The following ANXA8 variants were observed in gnomAD, a reference collection of about 807,000 sequenced individuals.
The protein encoded by ANXA8 is annexin A8, also known as VAC-beta.
A neutral mutation model predicts 26.8 loss-of-function variants in ANXA8; 9 were observed. That is an observed-to-expected ratio of 0.34 (90% CI 0.20 to 0.59). The LOEUF is 0.59. ANXA8 is among the 20% of genes least tolerant of loss of function. ANXA8 has a pLI of 0.84. For missense variants in ANXA8, 83 were observed against 238.5 expected (o/e 0.35, Z 4.29); for synonymous variants, 39 against 94.8 (o/e 0.41, Z 3.42).
the ANXA8 span, chr10:47,751,259 T>G: frequency 7.1e-6 from 1 of 140,770 alleles, no homozygotes; most frequent in African/African-American, 2.6e-5. Flanking sequence ...CTTGCCAAAC[T>G]TATTAGCTCT....
In ANXA8 at chr10:47,474,053, T is replaced by G; in HGVS notation, c.659A>C (p.Tyr220Ser). ...ATHLLRVFEEYEKIANKSIED... is the reference protein window; with the variant it reads ...ATHLLRVFEESEKIANKSIED... ...AATGCTCTTGTTGGCAATTTTCTCA[T>G]ACTCTTCAAACACTGTGGAGAGGGC... Residue 220 changes from tyrosine to serine, a missense_variant, in exon 9 of 12, where the codon TAT becomes TCT. Coordinates refer to ENST00000585281, the MANE Select transcript of ANXA8 (RefSeq NM_001040084.3). 1 of 542,976 alleles carries G rather than the reference T, an allele frequency of 1.8e-6. No individual in the cohort carries two copies. The allele number at this position is 542,976 out of a possible 1,614,324, so 33.6% of individuals were successfully genotyped here.
chr10:47,898,811 A>ATTTTTTTTTTT, the ANXA8 span, among the ~76,000 whole-genome samples: 29 of 56,256 alleles, frequency 5.2e-4, no homozygotes, highest in South Asian at 9.9e-4. Flanking sequence ...AAGAGAATGG[A>ATTTTTTTTTTT]TTTTTTTTTT....
chr10:47,698,711 G>A, the ANXA8 span, among the ~76,000 whole-genome samples: 1 of 152,212 alleles, frequency 6.6e-6, no homozygotes. Context: ...GTGTAGTGGT[G>A]CACACCTGTA....
At chr10:47,553,130 C>T in the ANXA8 span, among the ~76,000 whole-genome samples, 8 of 152,126 alleles carry the variant, frequency 5.3e-5, no homozygotes, top group South Asian at 1.7e-3. Context: ...CTATATTTTA[C>T]TGCCGAACTT....
the ANXA8 span, among the ~76,000 whole-genome samples, chr10:47,725,644 TC>T: frequency 8.5e-6 from 1 of 118,320 alleles, no homozygotes; most frequent in Non-Finnish European, 1.8e-5. Context: ...TTTTCTTTCT[TC>T]TTCTTTTTGT....
At chr10:47,709,634 G>C in the ANXA8 span, among the ~76,000 whole-genome samples, 43 of 134,454 alleles carry the variant, frequency 3.2e-4, 2 homozygotes, top group Middle Eastern at 0.017. Context: ...TGAGCTCAGG[G>C]AAAAAAGCAG....
the ANXA8 span, among the ~76,000 whole-genome samples, chr10:47,566,994 G>A: frequency 6.7e-6 from 1 of 148,704 alleles, no homozygotes; most frequent in Non-Finnish European, 1.5e-5. Flanking sequence ...TATGAGGAGG[G>A]GGTGGGCTTA....
the ANXA8 span, among the ~76,000 whole-genome samples, chr10:47,495,025 A>G: frequency 6.7e-6 from 1 of 150,248 alleles, no homozygotes; most frequent in South Asian, 2.1e-4. Context: ...GCCACTGCCA[A>G]ACCAACAAGG....
chr10:47,527,904 A>G, the ANXA8 span, among the ~76,000 whole-genome samples: 55 of 149,492 alleles, frequency 3.7e-4, no homozygotes, highest in Non-Finnish European at 7.0e-4. Context: ...AAGAGAAGGA[A>G]GAACTAATGC....
At chr10:47,700,629 C>A in the ANXA8 span, among the ~76,000 whole-genome samples, 1 of 151,384 alleles carries the variant, frequency 6.6e-6, no homozygotes, top group Non-Finnish European at 1.5e-5. Flanking sequence ...AATCCAGGGG[C>A]AGTAGAAGAT....
At chr10:47,617,927 G>A in the ANXA8 span, among the ~76,000 whole-genome samples, 1 of 129,148 alleles carries the variant, frequency 7.7e-6, no homozygotes, top group Non-Finnish European at 1.7e-5. Context: ...CATAAAACCT[G>A]ATCTATTTTT....
chr10:47,668,908 A>G, the ANXA8 span, among the ~76,000 whole-genome samples: 1 of 151,118 alleles, frequency 6.6e-6, no homozygotes. Context: ...TCAGCTTCTG[A>G]TTACTTTTCC....
At chr10:47,945,104 A>G in the ANXA8 span, among the ~76,000 whole-genome samples, 2 of 150,444 alleles carry the variant, frequency 1.3e-5, no homozygotes, top group African/African-American at 4.9e-5. Context: ...GACCCCCAAG[A>G]CTGGCTCAGG....
Position 47,482,182 on chromosome 10 carries a change from G to A in ANXA8, c.21+1731C>T, listed in dbSNP as rs1839846326. Among the ~76,000 whole-genome samples, 3 of 134,252 alleles carry A rather than the reference G, an allele frequency of 2.2e-5. 1 individual carries two copies. In the South Asian group the frequency reaches 7.1e-4, roughly 32 times the overall value. The allele number at this position is 134,252 out of a possible 152,430, so 88.1% of individuals were successfully genotyped here. A position where few individuals can be genotyped will look rare whatever the true frequency, so the allele number is the denominator to read the frequency against. ...CTGGGTCTTCGCTAGCAGCTCAGCT[G>A]TTGCAGGTGGGGTCTACCTGTGAAC... On this transcript the variant is annotated intron_variant, in intron 1 of 11. Coordinates refer to ENST00000585281, the MANE Select transcript of ANXA8 (RefSeq NM_001040084.3).
chr10:47,711,706 G>T, the ANXA8 span, among the ~76,000 whole-genome samples: 1 of 127,508 alleles, frequency 7.8e-6, no homozygotes, highest in African/African-American at 3.4e-5. Flanking sequence ...CAAGAATGTA[G>T]GTCACAGGTA....
At chr10:47,894,778 C>A in the ANXA8 span, among the ~76,000 whole-genome samples, 1 of 152,292 alleles carries the variant, frequency 6.6e-6, no homozygotes, top group Non-Finnish European at 1.5e-5. Flanking sequence ...CACCACACAT[C>A]ACAGCACACC....
the ANXA8 span, among the ~76,000 whole-genome samples, chr10:47,666,795 C>T: frequency 3.3e-5 from 5 of 151,924 alleles, no homozygotes; most frequent in Non-Finnish European, 5.9e-5. Flanking sequence ...TAATTCTCAG[C>T]CTCCACCTTC....
chr10:47,637,929 CATTATT>C, the ANXA8 span, among the ~76,000 whole-genome samples: 1 of 147,172 alleles, frequency 6.8e-6, no homozygotes, highest in Admixed American at 6.7e-5. Context: ...CAACCATAAT[CATTATT>C]AAGGCAATGT....
chr10:47,617,730 A>G, the ANXA8 span, among the ~76,000 whole-genome samples: 1,768 of 148,400 alleles, frequency 0.012, 156 homozygotes, highest in African/African-American at 0.044. Flanking sequence ...AAAATTAATA[A>G]CTTTGCTACT....
Sources: allele counts gnomAD v4.1 joint callset (sites outside exome capture counted in the v4.1 genomes callset), GRCh38; gene constraint gnomAD v4.1.1; transcripts MANE v1.5; gene names NCBI Gene and HGNC (gene_info 2026-07-23, HGNC 2026-07-21).